RASEF: variants seen among roughly 807,000 people sequenced by gnomAD.
The protein encoded by RASEF is ras and EF-hand domain-containing protein.
A neutral mutation model predicts 90.1 loss-of-function variants in RASEF; 68 were observed. The ratio of observed to expected loss-of-function variants is 0.75; its 90% CI spans 0.62 to 0.92. The LOEUF is 0.92. Ranked by LOEUF, RASEF falls within the 40% of genes least tolerant of loss-of-function variation. The pLI is 0.00. For missense variants in RASEF, 949 were observed against 937.2 expected, an observed-to-expected ratio of 1.01 and a Z score of -0.16; for synonymous variants, 331 against 345.2, an observed-to-expected ratio of 0.96 and a Z score of 0.46.
At chr9:83,082,757 G>T in the RASEF span, among the ~76,000 whole-genome samples, 1 of 152,098 alleles carries the variant, frequency 6.6e-6, no homozygotes. Context: ...TATTTGTTTT[G>T]ACAGTTTTTC....
At chr9:83,146,198 C>T in the RASEF span, among the ~76,000 whole-genome samples, 5 of 151,236 alleles carry the variant, frequency 3.3e-5, no homozygotes, top group East Asian at 3.9e-4. Flanking sequence ...AACAGGGCAA[C>T]GATAAAAACA....
chr9:83,110,598 C>T, the RASEF span, among the ~76,000 whole-genome samples: 4 of 152,192 alleles, frequency 2.6e-5, no homozygotes, highest in African/African-American at 9.6e-5. Context: ...CCAGAGTGTG[C>T]ACAAAGAGGA....
intron 15 of RASEF, 45 bp downstream of exon 15, chr9:82,992,852 CAAAGCCATT>C: frequency 1.3e-6 from 2 of 1,584,836 alleles, no homozygotes; most frequent in Non-Finnish European, 1.7e-6. Context: ...CCACCGACTT[CAAAGCCATT>C]AAACCCCATG....
intron 16 of RASEF, among the ~76,000 whole-genome samples, chr9:82,989,647 A>G (rs1828775447): frequency 1.3e-5 from 2 of 152,244 alleles, no homozygotes; most frequent in Admixed American, 1.3e-4. Flanking sequence ...ATAATCAGAA[A>G]AAGAATGACA....
intron 1 of RASEF, chr9:83,048,084 C>T (rs1829964621): frequency 7.1e-6 from 7 of 982,322 alleles, no homozygotes; most frequent in Non-Finnish European, 8.5e-6. Flanking sequence ...CTCTTACTGG[C>T]CGTAGACTCC....
At chr9:83,162,128 T>G in the RASEF span, among the ~76,000 whole-genome samples, 3 of 152,182 alleles carry the variant, frequency 2.0e-5, no homozygotes, top group African/African-American at 7.2e-5. Context: ...TATCTTTCCT[T>G]TAGCAGAATT....
the RASEF span, among the ~76,000 whole-genome samples, chr9:83,218,685 C>T: frequency 6.6e-6 from 1 of 152,214 alleles, no homozygotes; most frequent in Non-Finnish European, 1.5e-5. Context: ...TTCTGAGTGG[C>T]AAGCTCGCCC....
the RASEF span, among the ~76,000 whole-genome samples, chr9:83,169,088 T>A: frequency 6.6e-6 from 1 of 151,994 alleles, no homozygotes; most frequent in African/African-American, 2.4e-5. Flanking sequence ...AGAGATCATT[T>A]TTTTAGCTCC....
At chr9:83,041,647 A>G (rs1024996293) in intron 1 of RASEF, among the ~76,000 whole-genome samples, 6 of 152,188 alleles carry the variant, frequency 3.9e-5, no homozygotes, top group African/African-American at 1.4e-4. Flanking sequence ...AAGCCTCCTG[A>G]GACAGACCCC....
At chr9:83,008,053 A>T (rs1209154089) in intron 6 of RASEF, among the ~76,000 whole-genome samples, 1 of 151,826 alleles carries the variant, frequency 6.6e-6, no homozygotes, top group Non-Finnish European at 1.5e-5. Flanking sequence ...CAGGCTTGCT[A>T]AGCTCGTGAG....
In RASEF at chr9:82,982,512, G is replaced by C. The variant is rs1343061515; in HGVS notation, c.*165C>G. The stretch of plus-strand genomic sequence containing the variant: ...TCACTCACTGAGACAAAACAAAGAA[G>C]AGCCAAAGTTCCAGAGGGACCTGAG... On this transcript the variant is annotated 3_prime_UTR_variant, in exon 17 of 17. Transcript: ENST00000376447. 1 of 556,570 alleles carries C rather than the reference G, an allele frequency of 1.8e-6. No individual in the cohort carries two copies. The highest frequency in any genetic ancestry group is 3.3e-6 in the Non-Finnish European group (1 of 306,634). 34.5% of individuals were successfully genotyped at this position (556,570 alleles called of 1,614,324 possible). A position where few individuals can be genotyped will look rare whatever the true frequency, so the allele number is the denominator to read the frequency against.
the RASEF span, among the ~76,000 whole-genome samples, chr9:83,102,920 T>A: frequency 6.6e-6 from 1 of 152,148 alleles, no homozygotes; most frequent in African/African-American, 2.4e-5. Context: ...TCTCTAGGAA[T>A]TGGCTAGCCC....
At chr9:83,058,838 T>G (rs1367427152) in intron 1 of RASEF, among the ~76,000 whole-genome samples, 1 of 152,216 alleles carries the variant, frequency 6.6e-6, no homozygotes, top group Non-Finnish European at 1.5e-5. Flanking sequence ...AATTTGTTTT[T>G]AAATTACCAA....
the RASEF span, among the ~76,000 whole-genome samples, chr9:83,092,420 G>T: frequency 2.4e-3 from 372 of 152,116 alleles, 3 homozygotes; most frequent in African/African-American, 8.5e-3. Flanking sequence ...CTTCCTTCTG[G>T]TGGGTTCGTG....
At chr9:83,175,455 C>T in the RASEF span, among the ~76,000 whole-genome samples, 1 of 152,024 alleles carries the variant, frequency 6.6e-6, no homozygotes, top group South Asian at 2.1e-4. Flanking sequence ...CTGTGATAAA[C>T]CCTAGTAGTA....
chr9:83,108,266 A>G, the RASEF span, among the ~76,000 whole-genome samples: 1 of 152,200 alleles, frequency 6.6e-6, no homozygotes, highest in Non-Finnish European at 1.5e-5. Context: ...AATTAAATAA[A>G]TATGCCTCAT....
At chr9:83,055,407 G>A (rs1444837921) in intron 1 of RASEF, 15 of 534,884 alleles carry the variant, frequency 2.8e-5, no homozygotes, top group East Asian at 1.0e-4. Flanking sequence ...TTCGGCTCGC[G>A]CACGGTGCGC....
At chr9:83,028,925 G>A (rs1015392001) in intron 1 of RASEF, among the ~76,000 whole-genome samples, 1 of 152,148 alleles carries the variant, frequency 6.6e-6, no homozygotes, top group Non-Finnish European at 1.5e-5. Flanking sequence ...TACACACAGA[G>A]AAGATCATGT....
intron 15 of RASEF, among the ~76,000 whole-genome samples, chr9:82,992,055 A>G (rs1047261784): frequency 1.3e-5 from 2 of 152,212 alleles, no homozygotes; most frequent in African/African-American, 4.8e-5. Flanking sequence ...CATTTATCAC[A>G]TTTGGTTTGC....
Sources: allele counts gnomAD v4.1 joint callset (sites outside exome capture counted in the v4.1 genomes callset), GRCh38; gene constraint gnomAD v4.1.1; transcripts MANE v1.5; gene names NCBI Gene and HGNC (gene_info 2026-07-23, HGNC 2026-07-21).